The following THRB variants were observed in gnomAD, a reference collection of about 807,000 sequenced individuals.
THRB encodes thyroid hormone receptor beta.
A neutral mutation model predicts 47.8 loss-of-function variants in THRB; 12 were observed. The ratio of observed to expected loss-of-function variants is 0.25; its 90% CI spans 0.16 to 0.41. THRB has a LOEUF of 0.41. Ranked by LOEUF, THRB falls within the 10% of genes least tolerant of loss-of-function variation. The pLI is 1.00. For synonymous variants in THRB, 218 were observed against 212.2 expected, an observed-to-expected ratio of 1.03 and a Z score of -0.24; for missense variants, 348 against 589.2, an observed-to-expected ratio of 0.59 and a Z score of 4.24.
At chr3:24,357,261 T>C (rs1475660185) in intron 1 of THRB, among the ~76,000 whole-genome samples, 1 of 138,218 alleles carries the variant, frequency 7.2e-6, no homozygotes, top group Non-Finnish European at 1.5e-5. Flanking sequence ...CTTTTCACAA[T>C]TGGGAAAAGC....
At chr3:24,123,435 CAT>C (rs2032086389) in intron 10 of THRB, among the ~76,000 whole-genome samples, 1 of 152,174 alleles carries the variant, frequency 6.6e-6, no homozygotes, top group South Asian at 2.1e-4. Flanking sequence ...AGAAGCCTGA[CAT>C]AGCTGAAATA....
At chr3:24,415,224 C>T (rs1167495613) in intron 1 of THRB, among the ~76,000 whole-genome samples, 2 of 151,806 alleles carry the variant, frequency 1.3e-5, no homozygotes, top group African/African-American at 4.8e-5. Context: ...CTGTGCATTA[C>T]CTTGTGGGAA....
intron 3 of THRB, among the ~76,000 whole-genome samples, chr3:24,286,954 G>A (rs578197519): frequency 2.0e-5 from 3 of 152,254 alleles, no homozygotes; most frequent in East Asian, 3.9e-4. Context: ...CTTGTGTAAA[G>A]TAAGAAGTTG....
chr3:24,473,595 A>T (rs973431792), intron 1 of THRB, among the ~76,000 whole-genome samples: 4 of 152,234 alleles, frequency 2.6e-5, no homozygotes, highest in African/African-American at 4.8e-5. Flanking sequence ...CTGGGTATAT[A>T]CCCAAAGGAT....
chr3:24,226,201 A>G (rs912485797), intron 4 of THRB, among the ~76,000 whole-genome samples: 1 of 152,174 alleles, frequency 6.6e-6, no homozygotes, highest in Admixed American at 6.5e-5. Flanking sequence ...GAATAGCAGT[A>G]ATATTATCTA....
intron 9 of THRB, among the ~76,000 whole-genome samples, chr3:24,128,648 C>T (rs1488414837): frequency 8.6e-5 from 13 of 151,866 alleles, no homozygotes; most frequent in Admixed American, 7.9e-4. Flanking sequence ...GCATCATGCC[C>T]AGATTTCCAT....
intron 1 of THRB, among the ~76,000 whole-genome samples, chr3:24,477,618 A>G (rs1695682616): frequency 1.3e-5 from 2 of 152,210 alleles, no homozygotes; most frequent in South Asian, 4.2e-4. Flanking sequence ...GAACAGACCT[A>G]ACAGAAATAC....
Position 24,239,613 on chromosome 3 carries a change from G to A in THRB, c.-42-10612C>T, listed in dbSNP as rs183815270. ...TATTTTGAAAAATCACAGGAGCCTT[G>A]GTTAAGGGTTGTCTCAGGGAGCTAG... On this transcript the variant is annotated intron_variant, in intron 3 of 10. Coordinates refer to ENST00000646209, the MANE Select transcript of THRB (RefSeq NM_001354712.2). Among the ~76,000 whole-genome samples, 13 of 152,138 alleles carry A rather than the reference G, an allele frequency of 8.5e-5. No homozygotes were observed. In the East Asian group the frequency reaches 2.5e-3, roughly 29 times the overall value.
rs2030942352 is a variant in THRB, at chr3:24,117,865, A to G, written c.*5019T>C. 6.6e-6 allele frequency: 1 copy of G among 152,242 alleles called. No homozygotes were observed. 9.4% of individuals were successfully genotyped at this position (152,242 alleles called of 1,614,324 possible). The stretch of plus-strand genomic sequence containing the variant: ...TGTTCAGGGCAACAGAGATTGAGAT[A>G]TATGTTGGCAGCTGATGTTAACATA... On this transcript the variant is annotated 3_prime_UTR_variant, in exon 11 of 11. Coordinates refer to ENST00000646209, the MANE Select transcript of THRB (RefSeq NM_001354712.2).
At chr3:24,202,869 T>C (rs1273263544) in intron 4 of THRB, among the ~76,000 whole-genome samples, 1 of 152,150 alleles carries the variant, frequency 6.6e-6, no homozygotes, top group Non-Finnish European at 1.5e-5. Context: ...CTTCTACAGG[T>C]GAGGCAATTG....
intron 2 of THRB, among the ~76,000 whole-genome samples, chr3:24,329,349 T>C (rs1486126071): frequency 6.6e-6 from 1 of 152,236 alleles, no homozygotes; most frequent in Non-Finnish European, 1.5e-5. Flanking sequence ...CATTTACTGT[T>C]GGCCAGACAA....
chr3:24,456,670 A>G (rs1339958736), intron 1 of THRB, among the ~76,000 whole-genome samples: 2 of 151,122 alleles, frequency 1.3e-5, no homozygotes, highest in Non-Finnish European at 3.0e-5. Flanking sequence ...GATAAGTATT[A>G]ATTATCTTGT....
chr3:24,229,135 C>A, intron 3 of THRB, 134 bp from the exon 4 acceptor site: 1 of 628,982 alleles, frequency 1.6e-6, no homozygotes, highest in Non-Finnish European at 2.9e-6. Context: ...ACTGGGGACA[C>A]CGAAGCATAG....
At chr3:24,153,099 G>A (rs2149114772) in intron 5 of THRB, among the ~76,000 whole-genome samples, 1 of 152,220 alleles carries the variant, frequency 6.6e-6, no homozygotes, top group East Asian at 1.9e-4. Flanking sequence ...AGCACTGTGA[G>A]TTCTAGATAA....
intron 10 of THRB, among the ~76,000 whole-genome samples, chr3:24,126,240 T>C (rs1185549756): frequency 1.3e-5 from 2 of 151,686 alleles, no homozygotes; most frequent in Non-Finnish European, 2.9e-5. Context: ...TACAAAACAA[T>C]AAAAAATTAG....
At chr3:24,371,184 A>C (rs971555570) in intron 1 of THRB, among the ~76,000 whole-genome samples, 4 of 152,118 alleles carry the variant, frequency 2.6e-5, no homozygotes, top group Admixed American at 6.6e-5. Context: ...GCAGACATCC[A>C]AACTGACAAA....
At chr3:24,461,656 T>A (rs1218182170) in intron 1 of THRB, among the ~76,000 whole-genome samples, 1 of 152,222 alleles carries the variant, frequency 6.6e-6, no homozygotes, top group Non-Finnish European at 1.5e-5. Flanking sequence ...ATAAGCCAAC[T>A]AATCTAGTGA....
upstream of THRB, chr3:24,495,687 G>A (rs994670826): frequency 2.0e-5 from 3 of 152,126 alleles, no homozygotes; most frequent in Non-Finnish European, 4.4e-5. Context: ...CCAGGAGCAC[G>A]TCTCGGCCTT....
intron 1 of THRB, among the ~76,000 whole-genome samples, chr3:24,470,017 T>C (rs1473369696): frequency 6.6e-6 from 1 of 152,170 alleles, no homozygotes; most frequent in Non-Finnish European, 1.5e-5. Flanking sequence ...CCATGACTGT[T>C]CTTCTAGAGG....
Sources: allele counts gnomAD v4.1 joint callset (sites outside exome capture counted in the v4.1 genomes callset), GRCh38; gene constraint gnomAD v4.1.1; transcripts MANE v1.5; gene names NCBI Gene and HGNC (gene_info 2026-07-23, HGNC 2026-07-21).